Variants in CD109 observed in about 807,000 individuals in gnomAD.
CD109 encodes CD109 antigen.
A neutral mutation model predicts 165.8 loss-of-function variants in CD109; 149 were observed. That is an observed-to-expected ratio of 0.90 (90% CI 0.79 to 1.03). The LOEUF is 1.03. Ranked by LOEUF, CD109 falls within the 50% of genes least tolerant of loss-of-function variation. The pLI is 0.00. For missense variants in CD109, 1,712 were observed against 1,677.8 expected, an observed-to-expected ratio of 1.02 and a Z score of -0.36; for synonymous variants, 585 against 592.1, an observed-to-expected ratio of 0.99 and a Z score of 0.18.
chr6:73,797,155 A>G (rs904931163), intron 23 of CD109, among the ~76,000 whole-genome samples: 2 of 152,234 alleles, frequency 1.3e-5, no homozygotes, highest in African/African-American at 4.8e-5. Context: ...TGCTTGGCCC[A>G]GGAGTTCTGT....
intron 24 of CD109, among the ~76,000 whole-genome samples, chr6:73,803,679 T>C (rs965836968): frequency 9.2e-6 from 1 of 108,636 alleles, no homozygotes; most frequent in Non-Finnish European, 1.9e-5. Context: ...GCGGTCAATG[T>C]AGTTTAAGTT....
intron 19 of CD109, 43 bp from the exon 20 acceptor site, chr6:73,785,321 T>C (rs1774645395): frequency 9.3e-7 from 1 of 1,070,244 alleles, no homozygotes; most frequent in African/African-American, 1.6e-5. Context: ...ATGTGAAGAA[T>C]TTTGACCTGA....
At chr6:73,688,936 T>A in the CD109 span, among the ~76,000 whole-genome samples, 5 of 151,788 alleles carry the variant, frequency 3.3e-5, no homozygotes, top group South Asian at 2.1e-4. Context: ...ATCTGGCTAA[T>A]TTTTTTGATT....
chr6:73,810,625 G>A (rs1775719806), intron 27 of CD109, among the ~76,000 whole-genome samples: 1 of 151,924 alleles, frequency 6.6e-6, no homozygotes, highest in Non-Finnish European at 1.5e-5. Context: ...GGGATCTACA[G>A]AAATGCTACT....
At chr6:73,772,742 C>T (rs1403568546) in intron 15 of CD109, among the ~76,000 whole-genome samples, 3 of 151,796 alleles carry the variant, frequency 2.0e-5, no homozygotes, top group African/African-American at 7.3e-5. Context: ...TAATTTTTGT[C>T]TATTAATGGA....
intron 23 of CD109, among the ~76,000 whole-genome samples, chr6:73,798,124 C>CT (rs1334788509): frequency 4.3e-4 from 47 of 109,546 alleles, no homozygotes; most frequent in African/African-American, 1.5e-3. Context: ...TTTTTTTTTT[C>CT]TTTTTTTTGT....
At chr6:73,772,461 G>A (rs949596301) in intron 15 of CD109, among the ~76,000 whole-genome samples, 5 of 143,998 alleles carry the variant, frequency 3.5e-5, no homozygotes, top group African/African-American at 7.8e-5. Context: ...AGCAGAAATC[G>A]TGCCACTGCA....
chr6:73,811,356 A>G (rs1775753804), intron 28 of CD109, among the ~76,000 whole-genome samples: 1 of 152,130 alleles, frequency 6.6e-6, no homozygotes, highest in Admixed American at 6.6e-5. Flanking sequence ...AGGAGAAAAC[A>G]CGGGCACTGT....
At chr6:73,734,831 C>T (rs1381763914) in intron 4 of CD109, among the ~76,000 whole-genome samples, 7 of 152,206 alleles carry the variant, frequency 4.6e-5, no homozygotes, top group Non-Finnish European at 1.0e-4. Flanking sequence ...TCAACCCCTG[C>T]TCTCAGTCAC....
the CD109 span, among the ~76,000 whole-genome samples, chr6:73,688,672 A>G: frequency 6.6e-6 from 1 of 151,658 alleles, no homozygotes; most frequent in African/African-American, 2.4e-5. Flanking sequence ...GAGAGGGGAG[A>G]AGGGCTGGAA....
At chr6:73,771,660 T>A in intron 15 of CD109, 79 bp downstream of exon 15, 2 of 978,916 alleles carry the variant, frequency 2.0e-6, no homozygotes, top group Non-Finnish European at 2.8e-6. Context: ...CTTTAAATAT[T>A]TAAAGAAAAT....
upstream of CD109, chr6:73,695,156 C>T (rs1232432245): frequency 6.6e-6 from 1 of 152,224 alleles, no homozygotes; most frequent in Non-Finnish European, 1.5e-5. Flanking sequence ...CATCTAAAAC[C>T]GCTCCATGAA....
intron 31 of CD109, among the ~76,000 whole-genome samples, chr6:73,819,503 C>T (rs1483542598): frequency 1.3e-5 from 2 of 152,166 alleles, no homozygotes; most frequent in Non-Finnish European, 2.9e-5. Flanking sequence ...TTTCATATTA[C>T]ATGGGTGGGT....
chr6:73,720,170 T>A (rs541684355), intron 2 of CD109, among the ~76,000 whole-genome samples: 1 of 152,210 alleles, frequency 6.6e-6, no homozygotes, highest in East Asian at 1.9e-4. Context: ...CCATTTTTTT[T>A]AACAAAAAAA....
At chr6:73,707,962 T>TATATATA (rs1771349408) in intron 2 of CD109, among the ~76,000 whole-genome samples, 1 of 126,820 alleles carries the variant, frequency 7.9e-6, no homozygotes, top group African/African-American at 3.3e-5. Flanking sequence ...ATTGTTATCT[T>TATATATA]TATATATATA....
In CD109 at chr6:73,697,459, G is replaced by A. The variant is rs9446983; in HGVS notation, c.134G>A (p.Gly45Glu). 6.2e-7 allele frequency: 1 copy of A among 1,614,134 alleles called. No individual in the cohort carries two copies. Among genetic ancestry groups the A allele is most frequent in the Non-Finnish European group, 8.5e-7 (1 of 1,180,022 alleles). The change falls in exon 2 of 33, where the codon GGG becomes GAG. Residue 45 changes from glycine to glutamate, a missense_variant. Coordinates refer to ENST00000287097, the MANE Select transcript of CD109 (RefSeq NM_133493.5). ...IIRPGGNVTI[G>E]VELLEHCPSQ... ...AGGCCCGGAGGAAATGTGACTATTG[G>A]GGTGGAGCTTCTGGAACACTGCCCT...
chr6:73,772,922 ACAAC>A (rs1404047728), intron 15 of CD109, among the ~76,000 whole-genome samples: 1 of 140,290 alleles, frequency 7.1e-6, no homozygotes, highest in Non-Finnish European at 1.5e-5. Context: ...TTTTTTTTTT[ACAAC>A]CAGTTGGTCA....
chr6:73,697,421 C>T lies in CD109; in HGVS notation c.96C>T (p.Ala32=), dbSNP rs1024208351. The change falls in exon 2 of 33, where the codon GCC becomes GCT. Residue 32 remains alanine, a synonymous_variant. Transcript: ENST00000287097. The stretch of plus-strand genomic sequence containing the variant: ...TTAGGCCTCGGTTTCTGGTGACAGC[C>T]CCAGGGATCATCAGGCCCGGAGGAA... ...VAPGPRFLVT[A]PGIIRPGGNV... is the part of the protein sequence containing the mutation. The T allele has an allele frequency of 3.7e-6, 6 of 1,613,910 alleles. No individual in the cohort carries two copies. The highest frequency in any genetic ancestry group is 4.2e-6 in the Non-Finnish European group (5 of 1,180,016).
chr6:73,766,987 C>T lies in CD109; in HGVS notation c.1474C>T (p.Arg492Ter), dbSNP rs757452932. 3.0e-5 allele frequency: 48 copies of T among 1,612,710 alleles called. No homozygotes were observed. Among genetic ancestry groups the T allele is most frequent in the South Asian group, 8.8e-5 (8 of 90,910 alleles). Residue 492 changes from arginine (R) to a stop codon, truncating the protein, a stop_gained, in exon 13 of 33, where the codon CGA (arginine) becomes TGA (stop). Coordinates refer to ENST00000287097, the MANE Select transcript of CD109 (RefSeq NM_133493.5). LOFTEE classifies it high-confidence loss of function. ...TGAGTTGGTGGTTAGTGGCAACAAA[C>T]GATTGAAGGAGTTAAGCTATATGGT... ...PFELVVSGNKRLKELSYMVVS... is the reference protein window; with the variant it reads ...PFELVVSGNK
Sources: allele counts gnomAD v4.1 joint callset (sites outside exome capture counted in the v4.1 genomes callset), GRCh38; gene constraint gnomAD v4.1.1; transcripts MANE v1.5; gene names NCBI Gene and HGNC (gene_info 2026-07-23, HGNC 2026-07-21).